Variants in NUCB2 observed in about 807,000 individuals in gnomAD.
The protein encoded by NUCB2 is nucleobindin-2.
NUCB2 carries 48 observed loss-of-function variants against 57.9 expected under a neutral mutation model. The ratio of observed to expected loss-of-function variants is 0.83; its 90% CI spans 0.66 to 1.05. The LOEUF (loss-of-function observed/expected upper bound fraction) is 1.05. Among genes scored for constraint, NUCB2 ranks in the 50% least tolerant of loss-of-function variants. The pLI, the probability that NUCB2 is intolerant of heterozygous loss-of-function variation, is 0.00. For synonymous variants in NUCB2, 139 were observed against 152.1 expected (o/e 0.91, Z 0.64); for missense variants, 442 against 476.2 (o/e 0.93, Z 0.67).
chr11:17,324,387 G>GT (rs778726713), intron 11 of NUCB2, among the ~76,000 whole-genome samples: 6 of 151,892 alleles, frequency 4.0e-5, no homozygotes, highest in Admixed American at 2.0e-4. Context: ...TCGATTTGTA[G>GT]TTTTATTCCA....
intron 2 of NUCB2, among the ~76,000 whole-genome samples, chr11:17,348,829 A>G (rs1354812209): frequency 1.3e-5 from 2 of 151,176 alleles, no homozygotes; most frequent in Non-Finnish European, 2.9e-5. Context: ...CTCAGGCTGG[A>G]GTGCAACGGC....
chr11:17,310,983 T>A lies in NUCB2; in HGVS notation c.642T>A (p.His214Gln). 2 of 1,581,032 alleles carry A rather than the reference T, an allele frequency of 1.3e-6. No homozygotes were observed. Among genetic ancestry groups the A allele is most frequent in the Non-Finnish European group, 1.7e-6 (2 of 1,172,000 alleles). ...ESKFEEMKKKHENHPKVNHPG... is the reference protein window; with the variant it reads ...ESKFEEMKKKQENHPKVNHPG... ...AATTTGAAGAAATGAAGAAAAAGCA[T>A]GAAAATCACCCTAAAGTTAATCACC... Residue 214 changes from histidine (H) to glutamine (Q), a missense_variant, in exon 7 of 14, where the codon CAT becomes CAA. Transcript: ENST00000529010.
At chr11:17,349,922 C>T (rs550146976) in exon 3 of NUCB2, 5 of 152,250 alleles carry the variant, frequency 3.3e-5, no homozygotes, top group South Asian at 2.1e-4. Flanking sequence ...ATTTGAATAC[C>T]GTGTCTCAAT....
chr11:17,327,356 T>C (rs1001490496), intron 11 of NUCB2, among the ~76,000 whole-genome samples: 3 of 152,180 alleles, frequency 2.0e-5, no homozygotes, highest in Admixed American at 6.5e-5. Context: ...CCACTACGCC[T>C]CGCCAGGATC....
intron 2 of NUCB2, among the ~76,000 whole-genome samples, chr11:17,284,441 A>C (rs368337041): frequency 1.3e-5 from 2 of 152,238 alleles, no homozygotes; most frequent in African/African-American, 4.8e-5. Context: ...AGAAAAAGAA[A>C]TTCAGGGAAT....
At chr11:17,341,433 T>C (rs1211854027) in intron 2 of NUCB2, among the ~76,000 whole-genome samples, 1 of 151,950 alleles carries the variant, frequency 6.6e-6, no homozygotes, top group African/African-American at 2.4e-5. Flanking sequence ...GCCCATTCAG[T>C]ATGATATTGG....
intron 2 of NUCB2, among the ~76,000 whole-genome samples, chr11:17,285,294 G>A (rs1286429901): frequency 6.6e-6 from 1 of 152,176 alleles, no homozygotes. Context: ...GCCGGGCGTG[G>A]CTGGGTGAGG....
chr11:17,349,881 T>A (rs1171633317), exon 3 of NUCB2: 1 of 152,226 alleles, frequency 6.6e-6, no homozygotes, highest in African/African-American at 2.4e-5. Flanking sequence ...GGATGCAATG[T>A]GTCATAAAAA....
At chr11:17,345,534 C>T (rs1041278450) in intron 2 of NUCB2, among the ~76,000 whole-genome samples, 12 of 152,076 alleles carry the variant, frequency 7.9e-5, no homozygotes, top group Non-Finnish European at 1.6e-4. Context: ...TGGTGAAACC[C>T]CATCTCTACT....
intron 11 of NUCB2, 114 bp downstream of exon 11, chr11:17,315,589 G>T: frequency 2.1e-6 from 1 of 486,532 alleles, no homozygotes; most frequent in Non-Finnish European, 3.6e-6. Context: ...ACTATCTTGG[G>T]ATTTTTATAT....
intron 11 of NUCB2, among the ~76,000 whole-genome samples, chr11:17,318,329 T>A (rs75102079): frequency 6.7e-6 from 1 of 149,974 alleles, no homozygotes; most frequent in Non-Finnish European, 1.5e-5. Flanking sequence ...AAGTCAGCTT[T>A]AAAAAAAAAA....
At chr11:17,282,242 A>ATCTATCTGTC (rs1465883881) in intron 1 of NUCB2, among the ~76,000 whole-genome samples, 80 of 119,672 alleles carry the variant, frequency 6.7e-4, no homozygotes, top group East Asian at 3.3e-3. Context: ...CTATCTATAT[A>ATCTATCTGTC]TATATATATA....
intron 8 of NUCB2, 148 bp from the exon 9 acceptor site, chr11:17,311,724 G>T: frequency 1.9e-6 from 1 of 533,336 alleles, no homozygotes; most frequent in South Asian, 3.5e-5. Flanking sequence ...CTGATCTAAA[G>T]CTTCATGACA....
At chr11:17,277,175 G>T (rs1218073355) in intron 1 of NUCB2, 1 of 152,290 alleles carries the variant, frequency 6.6e-6, no homozygotes, top group Non-Finnish European at 1.5e-5. Flanking sequence ...CACTAGTGAG[G>T]AGGGACACCC....
At chr11:17,303,473 A>G (rs1947102565) in intron 5 of NUCB2, among the ~76,000 whole-genome samples, 1 of 152,238 alleles carries the variant, frequency 6.6e-6, no homozygotes, top group African/African-American at 2.4e-5. Context: ...AAAAAAAGTC[A>G]TAAAGTCAAA....
At position 17,331,695 on chromosome 11, in the gene NUCB2, AT is replaced by A. The variant is rs1427078163; in HGVS notation, c.*278del. On this transcript the variant is annotated 3_prime_UTR_variant, in exon 14 of 14. Transcript: ENST00000529010. Reference sequence around the variant, plus strand: ...TTTTTTGTTCTCCTTTAATGATTTAATTAAGTGGCTTTATGCCATAATTTAG... The same window carrying A: ...TTTTTTGTTCTCCTTTAATGATTTAATAAGTGGCTTTATGCCATAATTTAG... 6.3e-6 allele frequency: 2 copies of A among 316,596 alleles called. No individual in the cohort carries two copies. Among genetic ancestry groups the A allele is most frequent in the African/African-American group, 4.3e-5 (2 of 46,838 alleles). The allele number at this position is 316,596 out of a possible 1,614,324, so 19.6% of individuals were successfully genotyped here.
intron 11 of NUCB2, among the ~76,000 whole-genome samples, chr11:17,318,125 C>T (rs928562599): frequency 5.9e-5 from 9 of 151,904 alleles, no homozygotes; most frequent in Non-Finnish European, 8.8e-5. Flanking sequence ...AGTGATTCTC[C>T]CACCTCAGCC....
intron 2 of NUCB2, among the ~76,000 whole-genome samples, chr11:17,289,757 G>T (rs756561919): frequency 6.6e-6 from 1 of 152,112 alleles, no homozygotes; most frequent in African/African-American, 2.4e-5. Flanking sequence ...GACCATTCTC[G>T]TATCAATCTT....
chr11:17,278,015 C>T (rs1409182745), intron 1 of NUCB2, among the ~76,000 whole-genome samples: 3 of 151,942 alleles, frequency 2.0e-5, no homozygotes, highest in Non-Finnish European at 4.4e-5. Flanking sequence ...TATTTCTCAT[C>T]GTGGTCTTCA....
Sources: gnomAD v4.1 joint callset for allele counts (sites outside exome capture counted in the v4.1 genomes callset) on GRCh38, gnomAD v4.1.1 for gene constraint, MANE v1.5 for transcripts, NCBI Gene and HGNC (gene_info 2026-07-23, HGNC 2026-07-21) for gene names.